BRI3: variants seen among roughly 807,000 people sequenced by gnomAD.
The protein encoded by BRI3 is brain protein I3.
In BRI3, 6 loss-of-function variants were observed where a neutral mutation model predicts 12.8. That is an observed-to-expected ratio of 0.47 (90% CI 0.26 to 0.93). The LOEUF (loss-of-function observed/expected upper bound fraction) is 0.93, where lower values mean the gene tolerates loss of function less well. BRI3 is among the 40% of genes least tolerant of loss of function. The probability of loss-of-function intolerance (pLI) is 0.15; values close to 1 mark genes in which losing one functional copy is unlikely to be tolerated. For missense variants in BRI3, 134 were observed against 171.1 expected, an observed-to-expected ratio of 0.78 and a Z score of 1.21; for synonymous variants, 91 against 76.1, an observed-to-expected ratio of 1.20 and a Z score of -1.02.
downstream of BRI3, among the ~76,000 whole-genome samples, chr7:98,314,181 C>T (rs541951101): frequency 1.6e-4 from 24 of 151,998 alleles, no homozygotes; most frequent in African/African-American, 5.8e-4. Context: ...CAGGGTTTCA[C>T]CATGTTGGCC....
chr7:98,294,340 A>G (rs565379340), downstream of BRI3, among the ~76,000 whole-genome samples: 2 of 152,232 alleles, frequency 1.3e-5, no homozygotes, highest in Non-Finnish European at 2.9e-5. Flanking sequence ...CATCTAAAAC[A>G]TAAGGGATGT....
At chr7:98,313,792 CTT>C (rs543402978), downstream of BRI3, among the ~76,000 whole-genome samples, 25 of 132,922 alleles carry the variant, frequency 1.9e-4, no homozygotes, top group East Asian at 6.6e-4. Flanking sequence ...CTAATTAAAA[CTT>C]TTTTTTTTTT....
intron 2 of BRI3, among the ~76,000 whole-genome samples, chr7:98,290,465 G>T (rs918711936): frequency 1.3e-5 from 2 of 151,578 alleles, no homozygotes; most frequent in African/African-American, 4.9e-5. Context: ...AAAGTGCTGG[G>T]ATTACAGGCG....
chr7:98,294,245 G>T, downstream of BRI3: 2 of 873,306 alleles, frequency 2.3e-6, no homozygotes, highest in Non-Finnish European at 3.6e-6. Context: ...CTTCCACCTT[G>T]GCCTCCTAAT....
chr7:98,286,103 G>A (rs1419792164), intron 2 of BRI3, among the ~76,000 whole-genome samples: 1 of 152,154 alleles, frequency 6.6e-6, no homozygotes, highest in African/African-American at 2.4e-5. Context: ...ATGGGTGCTC[G>A]TGACTGGGGA....
intron 2 of BRI3, among the ~76,000 whole-genome samples, chr7:98,288,600 A>T (rs1352709473): frequency 8.0e-5 from 7 of 87,904 alleles, no homozygotes; most frequent in Admixed American, 8.0e-4. Flanking sequence ...CAGCCCCTCC[A>T]CACAGACAGG....
At chr7:98,319,970 C>G in the BRI3 span, 3 of 1,028,156 alleles carry the variant, frequency 2.9e-6, no homozygotes, top group Non-Finnish European at 4.4e-6. Context: ...CTGTCTGCTG[C>G]TGATGAGTCA....
downstream of BRI3, chr7:98,310,624 G>A: frequency 2.0e-6 from 3 of 1,506,710 alleles, no homozygotes; most frequent in Non-Finnish European, 2.7e-6. Context: ...TCCAATATTA[G>A]TATAGTGCAG....
downstream of BRI3, among the ~76,000 whole-genome samples, chr7:98,297,622 T>TCCCCTGCCCCCTTGGGAGAAGCCCCTGC: frequency 6.6e-6 from 1 of 152,240 alleles, no homozygotes; most frequent in Non-Finnish European, 1.5e-5. Context: ...CGGACTTGTC[T>TCCCCTGCCCCCTTGGGAGAAGCCCCTGC]TCCAGTTCAC....
downstream of BRI3, chr7:98,291,551 C>G (rs941247740): frequency 8.7e-7 from 1 of 1,147,842 alleles, no homozygotes; most frequent in East Asian, 6.2e-5. Context: ...TTACTCGGTG[C>G]TTTCAGAGAC....
At chr7:98,313,306 C>T (rs910713279), downstream of BRI3, among the ~76,000 whole-genome samples, 2 of 152,078 alleles carry the variant, frequency 1.3e-5, no homozygotes, top group Admixed American at 6.6e-5. Context: ...AGCATAGAAA[C>T]GAGCAGATTT....
rs1379391633 is a variant in BRI3, at chr7:98,282,343, G to C, written c.143-8G>C. ...CTGCACCCTAATGACCTGCTTTCCC[G>C]CCCACAGGGATACCCACCCACCATC... On this transcript the variant is annotated splice_region_variant and splice_polypyrimidine_tract_variant and intron_variant, in intron 1 of 2. Transcript: ENST00000297290. 1.2e-6 allele frequency: 2 copies of C among 1,610,812 alleles called. No homozygotes were observed. Among genetic ancestry groups the C allele is most frequent in the Admixed American group, 1.7e-5 (1 of 59,968 alleles).
exon 2 of BRI3, chr7:98,307,900 T>C (rs377026754): frequency 1.2e-6 from 2 of 1,614,010 alleles, no homozygotes; most frequent in African/African-American, 1.3e-5. Flanking sequence ...GAAGTACCTG[T>C]TGGAGGGAGT....
chr7:98,306,511 C>A (rs762651885), upstream of BRI3: 3 of 1,614,130 alleles, frequency 1.9e-6, no homozygotes, highest in Non-Finnish European at 2.5e-6. Context: ...CGGGAACCAA[C>A]CCCTCCTACC....
chr7:98,303,067 A>G (rs897201694), upstream of BRI3, among the ~76,000 whole-genome samples: 17 of 152,188 alleles, frequency 1.1e-4, no homozygotes, highest in African/African-American at 3.9e-4. Context: ...TTACACAGAC[A>G]TGAGCCATTG....
Position 98,291,360 on chromosome 7 carries a change from G to A in BRI3, c.*117G>A, listed in dbSNP as rs895666656. Reference sequence around the variant, plus strand: ...CTGTTTTGTAAAGCGAGGTGGGACCGATGTGGCACACGCCAGCTGCGGTTT... The same window carrying A: ...CTGTTTTGTAAAGCGAGGTGGGACCAATGTGGCACACGCCAGCTGCGGTTT... On this transcript the variant is annotated 3_prime_UTR_variant, in exon 3 of 3. Transcript: ENST00000297290. 1.2e-4 allele frequency: 181 copies of A among 1,517,114 alleles called. No individual in the cohort carries two copies. Among genetic ancestry groups the A allele is most frequent in the Non-Finnish European group, 1.5e-4 (169 of 1,131,786 alleles). The allele number at this position is 1,517,114 out of a possible 1,614,324, so 94.0% of individuals were successfully genotyped here.
chr7:98,310,890 T>G (rs1030978232), downstream of BRI3, among the ~76,000 whole-genome samples: 3 of 152,000 alleles, frequency 2.0e-5, no homozygotes, highest in Non-Finnish European at 4.4e-5. Flanking sequence ...TTCACCATGT[T>G]AGCCAGGCTG....
At chr7:98,291,613 ACAGTTGTATTCAG>A, downstream of BRI3, 3 of 806,232 alleles carry the variant, frequency 3.7e-6, no homozygotes, top group Non-Finnish European at 4.6e-6. Context: ...AGTCCTGACC[ACAGTTGTATTCAG>A]CAGGCGCTTA....
chr7:98,281,757 G>A lies in BRI3; in HGVS notation c.-39G>A. On this transcript the variant is annotated 5_prime_UTR_variant, in exon 1 of 3. Transcript: ENST00000297290. ...CGCGTCCCCCGCCGGGGCCGACCGA[G>A]CCGAGCCGGGCCGGAGCGGCGGGCG... The A allele has an allele frequency of 9.9e-7, 1 of 1,008,580 alleles. No homozygotes were observed. The highest frequency in any genetic ancestry group is 1.2e-6 in the Non-Finnish European group (1 of 842,876). 62.5% of individuals were successfully genotyped at this position (1,008,580 alleles called of 1,614,324 possible).
Sources: gnomAD v4.1 joint callset for allele counts (sites outside exome capture counted in the v4.1 genomes callset) on GRCh38, gnomAD v4.1.1 for gene constraint, MANE v1.5 for transcripts, NCBI Gene and HGNC (gene_info 2026-07-23, HGNC 2026-07-21) for gene names.